KCNT2: variants seen among roughly 807,000 people sequenced by gnomAD.
KCNT2 encodes potassium channel subfamily T member 2.
A neutral mutation model predicts 153.8 loss-of-function variants in KCNT2; 67 were observed. That is an observed-to-expected ratio of 0.44 (90% CI 0.36 to 0.53). The LOEUF (loss-of-function observed/expected upper bound fraction) is 0.53. KCNT2 is among the 20% of genes least tolerant of loss of function. The probability of loss-of-function intolerance (pLI) is 0.00; values close to 1 mark genes in which losing one functional copy is unlikely to be tolerated. For synonymous variants in KCNT2, 500 were observed against 458.8 expected (o/e 1.09, Z -1.15); for missense variants, 975 against 1,354.8 (o/e 0.72, Z 4.40).
intron 22 of KCNT2, among the ~76,000 whole-genome samples, chr1:196,300,675 C>T (rs1661103309): frequency 6.6e-6 from 1 of 152,160 alleles, no homozygotes; most frequent in Admixed American, 6.5e-5. Flanking sequence ...CATGCCTAGG[C>T]ATACAAATAC....
chr1:196,257,392 T>C, intron 26 of KCNT2: 1 of 975,046 alleles, frequency 1.0e-6, no homozygotes, highest in Non-Finnish European at 1.2e-6. Context: ...AGGGTAAATA[T>C]GGAATACCTT....
chr1:196,511,832 C>T (rs898215449), intron 1 of KCNT2, among the ~76,000 whole-genome samples: 2 of 152,222 alleles, frequency 1.3e-5, no homozygotes, highest in African/African-American at 4.8e-5. Flanking sequence ...TTAACATAAT[C>T]ACCTCTTTTA....
intron 1 of KCNT2, among the ~76,000 whole-genome samples, chr1:196,598,299 T>C (rs953061399): frequency 6.6e-6 from 1 of 152,194 alleles, no homozygotes; most frequent in Admixed American, 6.5e-5. Context: ...TCATTTTGTT[T>C]CTGGGATACT....
intron 5 of KCNT2, among the ~76,000 whole-genome samples, chr1:196,474,948 T>C (rs955743479): frequency 6.6e-6 from 1 of 152,200 alleles, no homozygotes; most frequent in Admixed American, 6.5e-5. Flanking sequence ...ACATGTACTT[T>C]AATAGTTCTA....
At chr1:196,341,981 A>G in intron 15 of KCNT2, 98 bp downstream of exon 15, 3 of 1,266,136 alleles carry the variant, frequency 2.4e-6, no homozygotes, top group Non-Finnish European at 1.1e-6. Flanking sequence ...GAATGCCTAA[A>G]CACATGAACA....
At chr1:196,262,659 C>T (rs1454339654) in intron 25 of KCNT2, among the ~76,000 whole-genome samples, 2 of 151,860 alleles carry the variant, frequency 1.3e-5, no homozygotes, top group Non-Finnish European at 2.9e-5. Flanking sequence ...AAAGATGTTT[C>T]ACCAGTTTCC....
At chr1:196,374,979 T>C (rs1668835057) in intron 13 of KCNT2, among the ~76,000 whole-genome samples, 1 of 151,886 alleles carries the variant, frequency 6.6e-6, no homozygotes, top group African/African-American at 2.4e-5. Context: ...TTTTCCTTAC[T>C]ACAGTGCACA....
intron 12 of KCNT2, among the ~76,000 whole-genome samples, chr1:196,403,494 C>T (rs188443330): frequency 1.3e-5 from 2 of 151,770 alleles, no homozygotes; most frequent in African/African-American, 2.4e-5. Context: ...TGTCATATTA[C>T]ATTTATCAAA....
chr1:196,607,177 G>C (rs1665410488), intron 1 of KCNT2, among the ~76,000 whole-genome samples: 1 of 152,118 alleles, frequency 6.6e-6, no homozygotes, highest in Non-Finnish European at 1.5e-5. Context: ...TGGTGAATGA[G>C]GAGGGGATTT....
chr1:196,480,837 C>CAG (rs1168339547), intron 4 of KCNT2, among the ~76,000 whole-genome samples: 2 of 103,216 alleles, frequency 1.9e-5, no homozygotes, highest in Non-Finnish European at 3.5e-5. Flanking sequence ...GCCTGGGCGA[C>CAG]AGAGAGAGAC....
intron 13 of KCNT2, among the ~76,000 whole-genome samples, chr1:196,393,453 G>GA (rs1670655941): frequency 6.6e-6 from 1 of 151,562 alleles, no homozygotes; most frequent in Non-Finnish European, 1.5e-5. Flanking sequence ...ATCTGACTAG[G>GA]AGACAAACAG....
intron 1 of KCNT2, among the ~76,000 whole-genome samples, chr1:196,560,117 T>A (rs902037712): frequency 1.3e-5 from 2 of 151,906 alleles, no homozygotes; most frequent in Non-Finnish European, 2.9e-5. Context: ...TTGCTTTGCA[T>A]CCAGAGGAAC....
rs150464526 is a variant in KCNT2 at position 196,340,430 on chromosome 1, T to C, written c.1694A>G (p.Asn565Ser). Residue 565 changes from asparagine to serine, a missense_variant, in exon 16 of 28, where the codon AAC becomes AGC. This residue lies in a region of KCNT2 where 325 missense variants were observed against 388.1 expected (regional missense o/e 0.84). Coordinates refer to ENST00000294725, the MANE Select transcript of KCNT2 (RefSeq NM_198503.5). ...ATTGCTTTTTCTCTGCTGGTCTTGG[T>C]TTTTAAATGCTGAATTCTCTTCTTT... ...ITKEENSAFKNQDQQRKSNVS... is the reference protein window; with the variant it reads ...ITKEENSAFKSQDQQRKSNVS... The C allele has an allele frequency of 1.9e-6, 3 of 1,612,762 alleles. No homozygotes were observed. The African/African-American group carries it at 4.0e-5, about 22-fold the overall frequency.
intron 12 of KCNT2, among the ~76,000 whole-genome samples, chr1:196,409,770 C>T (rs1672127843): frequency 6.6e-6 from 1 of 151,666 alleles, no homozygotes; most frequent in Non-Finnish European, 1.5e-5. Flanking sequence ...GGAGTACAGA[C>T]ATCTCTTTCG....
chr1:196,323,674 C>T (rs1012437412), intron 19 of KCNT2, among the ~76,000 whole-genome samples: 1 of 151,836 alleles, frequency 6.6e-6, no homozygotes, highest in African/African-American at 2.4e-5. Flanking sequence ...ATTTTAAAAT[C>T]CCATGCTTAT....
At chr1:196,357,252 T>C (rs192383488) in intron 14 of KCNT2, among the ~76,000 whole-genome samples, 22 of 152,082 alleles carry the variant, frequency 1.4e-4, no homozygotes, top group Non-Finnish European at 2.6e-4. Context: ...GAGAGTCAAG[T>C]GGAGGGCTTC....
At chr1:196,418,638 A>C (rs1208600271) in intron 12 of KCNT2, among the ~76,000 whole-genome samples, 3 of 151,880 alleles carry the variant, frequency 2.0e-5, no homozygotes, top group Non-Finnish European at 4.4e-5. Context: ...TTATATGCAC[A>C]CCCACCCCTG....
chr1:196,546,035 C>T (rs1038957078), intron 1 of KCNT2, among the ~76,000 whole-genome samples: 11 of 151,824 alleles, frequency 7.2e-5, no homozygotes, highest in African/African-American at 2.7e-4. Context: ...GAGTATATAA[C>T]CAATAGTATT....
chr1:196,446,349 T>G (rs1480967201), intron 8 of KCNT2, among the ~76,000 whole-genome samples: 1 of 151,476 alleles, frequency 6.6e-6, no homozygotes, highest in African/African-American at 2.4e-5. Flanking sequence ...TTATCTTCAT[T>G]CTTAGCAATT....
Sources: gnomAD v4.1 joint callset for allele counts (sites outside exome capture counted in the v4.1 genomes callset) on GRCh38, gnomAD v4.1.1 for gene constraint, gnomAD v4.1.1 regional missense constraint, MANE v1.5 for transcripts, NCBI Gene and HGNC (gene_info 2026-07-23, HGNC 2026-07-21) for gene names.